NDUFA8: variants seen among roughly 807,000 people sequenced by gnomAD.
NDUFA8 encodes the protein NADH dehydrogenase [ubiquinone] 1 alpha subcomplex subunit 8.
A neutral mutation model predicts 20.9 loss-of-function variants in NDUFA8; 16 were observed. The ratio of observed to expected loss-of-function variants is 0.77; its 90% CI spans 0.52 to 1.16. The LOEUF is 1.16. NDUFA8 is among the 50% of genes most tolerant of loss of function. NDUFA8 has a pLI of 0.00. For synonymous variants in NDUFA8, 70 were observed against 76.1 expected (o/e 0.92, Z 0.41); for missense variants, 202 against 216.4 (o/e 0.93, Z 0.42).
At chr9:122,134,667 G>T in the NDUFA8 span, among the ~76,000 whole-genome samples, 1 of 152,120 alleles carries the variant, frequency 6.6e-6, no homozygotes, top group Non-Finnish European at 1.5e-5. Context: ...CAGCCACACA[G>T]GTAGTCCACA....
Position 122,144,366 on chromosome 9 carries a change from T to A in NDUFA8, c.394A>T (p.Lys132Ter). 1 of 1,614,186 alleles carries A rather than the reference T, an allele frequency of 6.2e-7. No individual in the cohort carries two copies. Among genetic ancestry groups the A allele is most frequent in the Non-Finnish European group, 8.5e-7 (1 of 1,180,012 alleles). ...TTCTCCGGTAAAGGTCGATCTGTTT[T>A]CACTTTGGTGACCTGGGAAGGGTGA... ...LGELSKVTKV[K>*]TDRPLPENPY... Residue 132 changes from lysine to a stop codon, truncating the protein, a stop_gained, in exon 4 of 4, where the codon AAA (lysine) becomes TAA (stop). Coordinates refer to ENST00000373768, the MANE Select transcript of NDUFA8 (RefSeq NM_014222.3). LOFTEE classifies it high-confidence loss of function.
At chr9:122,146,555 T>C (rs1828907498) in intron 3 of NDUFA8, among the ~76,000 whole-genome samples, 1 of 152,198 alleles carries the variant, frequency 6.6e-6, no homozygotes, top group Admixed American at 6.5e-5. Flanking sequence ...TGCTAAGTTA[T>C]TACTCATGAC....
intron 3 of NDUFA8, among the ~76,000 whole-genome samples, chr9:122,144,967 G>T (rs1828880458): frequency 6.6e-6 from 1 of 152,194 alleles, no homozygotes; most frequent in African/African-American, 2.4e-5. Context: ...TGCTAGAAAT[G>T]ATGCTGAGCA....
At chr9:122,141,739 T>G (rs1828823494), downstream of NDUFA8, among the ~76,000 whole-genome samples, 1 of 152,220 alleles carries the variant, frequency 6.6e-6, no homozygotes, top group Non-Finnish European at 1.5e-5. Flanking sequence ...CTGTGACCTT[T>G]TACCTACTGA....
chr9:122,152,112 G>C lies in NDUFA8; in HGVS notation c.215+133C>G, dbSNP rs192258814. On this transcript the variant is annotated intron_variant, in intron 2 of 3. Transcript: ENST00000373768. The stretch of plus-strand genomic sequence containing the variant: ...AAACCAAAAATAATTATCATCCTTT[G>C]AATGTTTTACCTTGGTCTGATTTCA... The C allele has an allele frequency of 1.4e-4, 139 of 987,948 alleles. No individual in the cohort carries two copies. The Admixed American group carries it at 1.8e-3, about 13-fold the overall frequency. 61.2% of individuals were successfully genotyped at this position (987,948 alleles called of 1,614,324 possible). A position where few individuals can be genotyped will look rare whatever the true frequency, so the allele number is the denominator to read the frequency against.
rs752921486 is a variant in NDUFA8, at chr9:122,159,616, G to T, written c.51+11C>A. 34 of 1,613,994 alleles carry T rather than the reference G, an allele frequency of 2.1e-5. No individual in the cohort carries two copies. The highest frequency in any genetic ancestry group is 1.5e-4 in the Admixed American group (9 of 60,006). On this transcript the variant is annotated intron_variant, in intron 1 of 3. Transcript: ENST00000373768. ...CCATGTCTCCCTTGCCTGTCCTCCG[G>T]ATAGCCTCACCTCATCTACTTTCAG...
intron 3 of NDUFA8, among the ~76,000 whole-genome samples, chr9:122,145,580 A>G (rs1170439491): frequency 1.3e-5 from 2 of 152,256 alleles, no homozygotes; most frequent in African/African-American, 4.8e-5. Flanking sequence ...TATTGGGAAC[A>G]GAGCTTTTGT....
At chr9:122,138,207 G>A in the NDUFA8 span, among the ~76,000 whole-genome samples, 2 of 152,188 alleles carry the variant, frequency 1.3e-5, no homozygotes, top group African/African-American at 4.8e-5. Context: ...ATTAAAACAA[G>A]GCTTCCAGAA....
intron 3 of NDUFA8, among the ~76,000 whole-genome samples, chr9:122,146,265 G>C (rs547121765): frequency 3.3e-5 from 5 of 152,122 alleles, no homozygotes; most frequent in African/African-American, 4.8e-5. Flanking sequence ...GCACCTGATC[G>C]AGAAATACAC....
intron 1 of NDUFA8, among the ~76,000 whole-genome samples, chr9:122,154,193 T>C (rs1829044829): frequency 6.6e-6 from 1 of 152,208 alleles, no homozygotes; most frequent in Non-Finnish European, 1.5e-5. Context: ...CTATGGTAAT[T>C]AAATATAATG....
At chr9:122,146,100 C>T (rs943961953) in intron 3 of NDUFA8, among the ~76,000 whole-genome samples, 2 of 152,090 alleles carry the variant, frequency 1.3e-5, no homozygotes, top group South Asian at 2.1e-4. Context: ...GAGCAGAGAT[C>T]GTGGCACTGT....
At chr9:122,144,661 A>C (rs577777801) in intron 3 of NDUFA8, among the ~76,000 whole-genome samples, 1 of 152,326 alleles carries the variant, frequency 6.6e-6, no homozygotes, top group East Asian at 1.9e-4. Flanking sequence ...CAGGAATAAC[A>C]ACCAAGATTT....
At chr9:122,158,657 G>A (rs1829117182) in intron 1 of NDUFA8, among the ~76,000 whole-genome samples, 1 of 151,208 alleles carries the variant, frequency 6.6e-6, no homozygotes, top group Non-Finnish European at 1.5e-5. Flanking sequence ...CCAATTGTGT[G>A]TGTGTGTGTA....
rs140224252 is a variant in NDUFA8, at chr9:122,158,717, C to CAT, written c.51+908_51+909dup. 2.8e-3 allele frequency among the ~76,000 whole-genome samples: 392 copies of CAT among 142,450 alleles called. 3 individuals carry two copies. The highest frequency in any genetic ancestry group is 8.8e-3 in the African/African-American group (342 of 38,774). The allele number at this position is 142,450 out of a possible 152,430, so 93.5% of individuals were successfully genotyped here. On this transcript the variant is annotated intron_variant, in intron 1 of 3. Transcript: ENST00000373768. ...TGTGTGTATATATATATGGTATATA[C>CAT]ATATATATATATACACCAATTGTGT...
intron 3 of NDUFA8, among the ~76,000 whole-genome samples, chr9:122,145,618 A>G (rs1828894225): frequency 6.6e-6 from 1 of 152,184 alleles, no homozygotes; most frequent in African/African-American, 2.4e-5. Context: ...TATTATTATA[A>G]CCACCTTATG....
chr9:122,138,868 G>GGGT, the NDUFA8 span, among the ~76,000 whole-genome samples: 13 of 143,230 alleles, frequency 9.1e-5, no homozygotes, highest in Admixed American at 2.2e-4. Flanking sequence ...GAAGAGGTGG[G>GGGT]GGGGGGGCCA....
At position 122,144,114 on chromosome 9, in the gene NDUFA8, T is replaced by A. The variant is rs1828861513; in HGVS notation, c.*127A>T. ...GGTATAGAATAACTGCCAAGTCACA[T>A]AAGTTAACTTTTTTGTTAATGTTTG... On this transcript the variant is annotated 3_prime_UTR_variant, in exon 4 of 4. Coordinates refer to ENST00000373768, the MANE Select transcript of NDUFA8 (RefSeq NM_014222.3). 1.3e-6 allele frequency: 2 copies of A among 1,555,272 alleles called. No homozygotes were observed.
At chr9:122,156,815 G>C (rs1053106295) in intron 1 of NDUFA8, among the ~76,000 whole-genome samples, 4 of 152,120 alleles carry the variant, frequency 2.6e-5, no homozygotes, top group African/African-American at 9.7e-5. Flanking sequence ...TTTGCTCTCT[G>C]TAAGCACAGT....
intron 1 of NDUFA8, among the ~76,000 whole-genome samples, chr9:122,157,600 G>A (rs1234281741): frequency 1.4e-5 from 2 of 144,382 alleles, no homozygotes; most frequent in African/African-American, 2.7e-5. Context: ...TCAGATGTTT[G>A]TTGAACCTAA....
Sources: gnomAD v4.1 joint callset for allele counts (sites outside exome capture counted in the v4.1 genomes callset) on GRCh38, gnomAD v4.1.1 for gene constraint, MANE v1.5 for transcripts, NCBI Gene and HGNC (gene_info 2026-07-23, HGNC 2026-07-21) for gene names.